N4BP2L2: variants seen among roughly 807,000 people sequenced by gnomAD.
The protein encoded by N4BP2L2 is NEDD4 binding protein 2 like 2.
Under a neutral mutation model 56.2 loss-of-function variants are expected in N4BP2L2, and 50 were observed. The observed-to-expected ratio is 0.89, with a 90% CI of 0.71 to 1.13. N4BP2L2 has a LOEUF of 1.13. Among genes scored for constraint, N4BP2L2 ranks in the 50% most tolerant of loss-of-function variants. The probability of loss-of-function intolerance (pLI) is 0.00; values close to 1 mark genes in which losing one functional copy is unlikely to be tolerated. For synonymous variants in N4BP2L2, 203 were observed against 223.6 expected (o/e 0.91, Z 0.82); for missense variants, 689 against 693.8 (o/e 0.99, Z 0.08).
At chr13:32,537,546 C>T (rs2056850469) in intron 1 of N4BP2L2, among the ~76,000 whole-genome samples, 1 of 152,164 alleles carries the variant, frequency 6.6e-6, no homozygotes. Context: ...AACCAATCTC[C>T]TTAGCATCCA....
chr13:32,475,765 G>A (rs2083205516), intron 6 of N4BP2L2, among the ~76,000 whole-genome samples: 1 of 152,132 alleles, frequency 6.6e-6, no homozygotes, highest in African/African-American at 2.4e-5. Flanking sequence ...CCTTACCGAG[G>A]ATTCCCATAT....
chr13:32,494,591 G>A (rs1352266929), intron 6 of N4BP2L2, among the ~76,000 whole-genome samples: 5 of 151,648 alleles, frequency 3.3e-5, no homozygotes, highest in Non-Finnish European at 7.4e-5. Flanking sequence ...GTGAAACCCC[G>A]TCTCTACTAA....
intron 3 of N4BP2L2, among the ~76,000 whole-genome samples, chr13:32,526,279 C>T (rs1476240267): frequency 1.3e-5 from 2 of 152,136 alleles, no homozygotes; most frequent in Non-Finnish European, 1.5e-5. Flanking sequence ...ATTTTGAGGA[C>T]TTCGTTTGGA....
At chr13:32,513,358 C>T (rs1176213211) in exon 6 of N4BP2L2, 1 of 152,138 alleles carries the variant, frequency 6.6e-6, no homozygotes, top group African/African-American at 2.4e-5. Context: ...AATCACTAAT[C>T]CCTATATTTT....
chr13:32,489,593 A>C (rs1388535697), intron 6 of N4BP2L2, among the ~76,000 whole-genome samples: 10 of 152,306 alleles, frequency 6.6e-5, no homozygotes, highest in South Asian at 4.1e-4. Flanking sequence ...TCAAATATGG[A>C]AAAGAGTTTT....
exon 6 of N4BP2L2, chr13:32,516,187 A>G (rs2139882729): frequency 6.6e-6 from 1 of 152,350 alleles, no homozygotes; most frequent in East Asian, 1.9e-4. Context: ...ACAGAATAAA[A>G]TACTTAGAAA....
chr13:32,516,068 T>A (rs551515993), exon 6 of N4BP2L2: 6 of 152,186 alleles, frequency 3.9e-5, no homozygotes, highest in Admixed American at 1.3e-4. Flanking sequence ...CTATTACTCC[T>A]AAGTTTATGA....
intron 5 of N4BP2L2, among the ~76,000 whole-genome samples, chr13:32,519,929 T>C (rs1287260919): frequency 4.6e-5 from 7 of 152,188 alleles, no homozygotes; most frequent in Non-Finnish European, 8.8e-5. Flanking sequence ...TTATCATTCA[T>C]TTATTCAGCA....
At chr13:32,467,401 G>A (rs2081422360) in intron 6 of N4BP2L2, among the ~76,000 whole-genome samples, 1 of 151,876 alleles carries the variant, frequency 6.6e-6, no homozygotes, top group Non-Finnish European at 1.5e-5. Context: ...GGGACTACAG[G>A]CGAGCACCAC....
intron 6 of N4BP2L2, among the ~76,000 whole-genome samples, chr13:32,472,430 A>G (rs1255720177): frequency 2.0e-5 from 3 of 152,180 alleles, no homozygotes; most frequent in African/African-American, 4.8e-5. Flanking sequence ...TTCTTCATAT[A>G]TAATGCCACT....
intron 3 of N4BP2L2, among the ~76,000 whole-genome samples, chr13:32,526,233 T>C (rs938226909): frequency 6.6e-6 from 1 of 152,140 alleles, no homozygotes; most frequent in African/African-American, 2.4e-5. Context: ...AGAAGGAACA[T>C]GCTATGGATT....
chr13:32,469,345 G>A (rs2138883889), intron 6 of N4BP2L2, among the ~76,000 whole-genome samples: 1 of 152,316 alleles, frequency 6.6e-6, no homozygotes, highest in South Asian at 2.1e-4. Flanking sequence ...TGTGAGTGTG[G>A]AGATGGAACT....
intron 6 of N4BP2L2, chr13:32,477,184 T>C (rs1239792651): frequency 8.0e-6 from 4 of 497,830 alleles, no homozygotes; most frequent in South Asian, 5.8e-5. Flanking sequence ...CATTTCTCCT[T>C]GGGCAGTCAG....
chr13:32,518,934 C>A (rs1477380806), intron 5 of N4BP2L2, among the ~76,000 whole-genome samples: 1 of 152,110 alleles, frequency 6.6e-6, no homozygotes, highest in African/African-American at 2.4e-5. Flanking sequence ...ATTTTACCCT[C>A]ATAGTTTTCT....
chr13:32,465,372 C>T (rs1486775796), intron 6 of N4BP2L2, among the ~76,000 whole-genome samples: 3 of 152,128 alleles, frequency 2.0e-5, no homozygotes, highest in Non-Finnish European at 4.4e-5. Context: ...GGTTACCACC[C>T]TAAAACTCAG....
chr13:32,488,509 A>G (rs1207306632), intron 6 of N4BP2L2, among the ~76,000 whole-genome samples: 1 of 152,218 alleles, frequency 6.6e-6, no homozygotes, highest in African/African-American at 2.4e-5. Flanking sequence ...CCATGTACTC[A>G]ATCTGCACAT....
At chr13:32,474,666 G>T (rs903945381) in intron 6 of N4BP2L2, among the ~76,000 whole-genome samples, 1 of 152,126 alleles carries the variant, frequency 6.6e-6, no homozygotes, top group East Asian at 1.9e-4. Flanking sequence ...CTGCACTCCG[G>T]CCTGGGCAAC....
intron 6 of N4BP2L2, among the ~76,000 whole-genome samples, chr13:32,464,447 A>C (rs2080853928): frequency 1.3e-5 from 2 of 152,212 alleles, no homozygotes; most frequent in Admixed American, 1.3e-4. Flanking sequence ...GCAACAGACA[A>C]GTGAAGGCTC....
At chr13:32,494,202 G>C (rs1212659853) in intron 6 of N4BP2L2, among the ~76,000 whole-genome samples, 2 of 152,220 alleles carry the variant, frequency 1.3e-5, no homozygotes, top group African/African-American at 2.4e-5. Flanking sequence ...AGAATCTCTT[G>C]AACCTGGGAG....
Sources: gnomAD v4.1 joint callset for allele counts (sites outside exome capture counted in the v4.1 genomes callset) on GRCh38, gnomAD v4.1.1 for gene constraint, MANE v1.5 for transcripts, NCBI Gene and HGNC (gene_info 2026-07-23, HGNC 2026-07-21) for gene names.